NFE2L2: variants seen among roughly 807,000 people sequenced by gnomAD.
The protein encoded by NFE2L2 is nuclear factor erythroid 2-related factor 2.
In NFE2L2, 20 loss-of-function variants were observed where a neutral mutation model predicts 49.6. The observed-to-expected ratio is 0.40, with a 90% CI of 0.28 to 0.59. NFE2L2 has a LOEUF of 0.59. Ranked by LOEUF, NFE2L2 falls within the 20% of genes least tolerant of loss-of-function variation. The pLI is 0.40. For missense variants in NFE2L2, 578 were observed against 714.2 expected (o/e 0.81, Z 2.17); for synonymous variants, 244 against 256.5 (o/e 0.95, Z 0.47).
At chr2:177,232,303 C>T (rs1209068257) in intron 4 of NFE2L2, 89 bp downstream of exon 4, 1 of 1,271,560 alleles carries the variant, frequency 7.9e-7, no homozygotes, top group African/African-American at 1.5e-5. Flanking sequence ...TCCAATCCTT[C>T]CTATAAATAG....
chr2:177,251,987 T>G (rs1574277583), intron 1 of NFE2L2, among the ~76,000 whole-genome samples: 1 of 105,080 alleles, frequency 9.5e-6, no homozygotes, highest in African/African-American at 4.0e-5. Flanking sequence ...GGCGACAGAG[T>G]GAGACTCTGT....
intron 1 of NFE2L2, among the ~76,000 whole-genome samples, chr2:177,235,436 CATAAATAAATAA>C (rs1218483618): frequency 6.6e-6 from 1 of 151,604 alleles, no homozygotes; most frequent in South Asian, 2.1e-4. Flanking sequence ...GACCCTGTCT[CATAAATAAATAA>C]ATAAATAAAT....
rs372371821 is a variant in NFE2L2, at chr2:177,255,531, ACCAG to A, written c.45+8997_45+9000del. 3.1e-4 allele frequency among the ~76,000 whole-genome samples: 47 copies of A among 152,160 alleles called. No individual in the cohort carries two copies. The East Asian group carries it at 8.7e-3, about 28-fold the overall frequency. On this transcript the variant is annotated intron_variant, in intron 1 of 4. Transcript: ENST00000397062. ...GGGCACTGCAGCTGACACAAAGTAA[ACCAG>A]CCCTGTTCCAGTCCACTAGGGTTGA...
At chr2:177,252,616 GT>G (rs1690382927) in intron 1 of NFE2L2, among the ~76,000 whole-genome samples, 1 of 150,260 alleles carries the variant, frequency 6.7e-6, no homozygotes. Flanking sequence ...CTTCTGGCTA[GT>G]TTTTCCTCCC....
intron 1 of NFE2L2, chr2:177,263,293 T>C (rs1690805689): frequency 3.3e-6 from 3 of 913,818 alleles, no homozygotes; most frequent in South Asian, 5.0e-5. Flanking sequence ...AATTCTCAAC[T>C]GAAAAGGAAA....
intron 1 of NFE2L2, among the ~76,000 whole-genome samples, chr2:177,235,754 G>C (rs1689728445): frequency 6.6e-6 from 1 of 152,152 alleles, no homozygotes; most frequent in Non-Finnish European, 1.5e-5. Context: ...TTGAGCCCAG[G>C]AAGTCAAGGC....
chr2:177,254,573 C>G (rs1455874276), intron 1 of NFE2L2, among the ~76,000 whole-genome samples: 1 of 152,174 alleles, frequency 6.6e-6, no homozygotes, highest in Non-Finnish European at 1.5e-5. Flanking sequence ...TCACAGCGAT[C>G]CGTGGAACAG....
chr2:177,235,040 C>T (rs539950881), intron 1 of NFE2L2, among the ~76,000 whole-genome samples: 1 of 152,184 alleles, frequency 6.6e-6, no homozygotes, highest in African/African-American at 2.4e-5. Context: ...CGGCTTGAAC[C>T]TGGGAGGCAG....
Position 177,231,682 on chromosome 2 carries a change from A to G in NFE2L2, c.921T>C (p.His307=). 1.9e-6 allele frequency: 3 copies of G among 1,614,196 alleles called. No homozygotes were observed. The highest frequency in any genetic ancestry group is 2.2e-5 in the East Asian group (1 of 44,892). ...GCCCATTTAGAAGTTCAGAGAGTGA[A>G]TGGCTTAAAGTAGCAGGTGAGGGCA... ...NSMPSPATLS[H]SLSELLNGPI... is the part of the protein sequence containing the mutation. Residue 307 remains histidine (H), a synonymous_variant, in exon 5 of 5, where the codon CAT becomes CAC. Transcript: ENST00000397062.
intron 1 of NFE2L2, among the ~76,000 whole-genome samples, chr2:177,253,689 C>A (rs1042693832): frequency 1.2e-4 from 18 of 152,170 alleles, no homozygotes; most frequent in Admixed American, 6.5e-5. Context: ...TATGTCCCAA[C>A]TACTAGTCAT....
At position 177,230,759 on chromosome 2, in the gene NFE2L2, T is replaced by C. The variant is rs765413516; in HGVS notation, c.*26A>G. On this transcript the variant is annotated 3_prime_UTR_variant, in exon 5 of 5. Coordinates refer to ENST00000397062, the MANE Select transcript of NFE2L2 (RefSeq NM_006164.5). ...AGTATAATAGTACAAAAAAACTAGC[T>C]CAGAAAAGGTCAAATCCTCCTAAAT... 1.2e-5 allele frequency: 19 copies of C among 1,547,660 alleles called. No homozygotes were observed. The South Asian group carries it at 2.3e-4, about 19-fold the overall frequency.
intron 1 of NFE2L2, chr2:177,263,816 C>T: frequency 1.4e-5 from 14 of 985,516 alleles, no homozygotes; most frequent in Non-Finnish European, 1.7e-5. Context: ...GGGCCCGGCT[C>T]AGCCGCCACA....
intron 1 of NFE2L2, chr2:177,264,271 G>A (rs1690857694): frequency 2.4e-6 from 1 of 414,456 alleles, no homozygotes. Flanking sequence ...CCACGCGAGC[G>A]GGCTCAGTCC....
chr2:177,240,449 G>A (rs915807452), intron 1 of NFE2L2, among the ~76,000 whole-genome samples: 18 of 152,152 alleles, frequency 1.2e-4, no homozygotes, highest in Non-Finnish European at 2.1e-4. Flanking sequence ...AGCAAATGCC[G>A]TCTGCCACTT....
chr2:177,245,286 C>G (rs534480791), intron 1 of NFE2L2, among the ~76,000 whole-genome samples: 2 of 152,208 alleles, frequency 1.3e-5, no homozygotes, highest in Admixed American at 1.3e-4. Context: ...CCAGACAGCC[C>G]CTCTTGTTTT....
intron 1 of NFE2L2, among the ~76,000 whole-genome samples, chr2:177,262,904 A>C (rs776568218): frequency 6.6e-6 from 1 of 152,238 alleles, no homozygotes; most frequent in Non-Finnish European, 1.5e-5. Flanking sequence ...AACCAGAAGA[A>C]TACAATCCCA....
At chr2:177,238,952 A>T (rs745923115) in intron 1 of NFE2L2, among the ~76,000 whole-genome samples, 1 of 152,248 alleles carries the variant, frequency 6.6e-6, no homozygotes, top group Admixed American at 6.5e-5. Context: ...GGGCACGCCC[A>T]TATACATTTG....
intron 1 of NFE2L2, among the ~76,000 whole-genome samples, chr2:177,246,767 T>C (rs977246025): frequency 4.3e-4 from 55 of 128,288 alleles, no homozygotes; most frequent in African/African-American, 1.5e-3. Context: ...GCCTGGCTAA[T>C]ATTTTACTTT....
chr2:177,230,584 G>T lies in NFE2L2; in HGVS notation c.*201C>A. On this transcript the variant is annotated 3_prime_UTR_variant, in exon 5 of 5. Coordinates refer to ENST00000397062, the MANE Select transcript of NFE2L2 (RefSeq NM_006164.5). The stretch of plus-strand genomic sequence containing the variant: ...AGCCCAAATGGTGTCCTAAGAAATT[G>T]TTTACAGTTAAAGTGAAACTACTGA... 1 of 536,036 alleles carries T rather than the reference G, an allele frequency of 1.9e-6. No individual in the cohort carries two copies. Among genetic ancestry groups the T allele is most frequent in the Non-Finnish European group, 3.0e-6 (1 of 329,458 alleles). The allele number at this position is 536,036 out of a possible 1,614,324, so 33.2% of individuals were successfully genotyped here.
Sources: gnomAD v4.1 joint callset for allele counts (sites outside exome capture counted in the v4.1 genomes callset) on GRCh38, gnomAD v4.1.1 for gene constraint, MANE v1.5 for transcripts, NCBI Gene and HGNC (gene_info 2026-07-23, HGNC 2026-07-21) for gene names.